TRAK1: variants seen among roughly 807,000 people sequenced by gnomAD.
TRAK1 encodes trafficking kinesin protein 1, also known as trafficking kinesin-binding protein 1.
TRAK1 carries 33 observed loss-of-function variants against 92.1 expected under a neutral mutation model. The ratio of observed to expected loss-of-function variants is 0.36; its 90% CI spans 0.27 to 0.48. The LOEUF (loss-of-function observed/expected upper bound fraction) is 0.48. Ranked by LOEUF, TRAK1 falls within the 20% of genes least tolerant of loss-of-function variation. TRAK1 has a pLI of 0.99. For synonymous variants in TRAK1, 521 were observed against 517.3 expected (o/e 1.01, Z -0.10); for missense variants, 1,123 against 1,257.9 (o/e 0.89, Z 1.62).
Position 42,061,563 on chromosome 3 carries a change from G to A in TRAK1, c.-518-25541G>A, listed in dbSNP as rs529530188. 2.6e-5 allele frequency among the ~76,000 whole-genome samples: 4 copies of A among 152,134 alleles called. No individual in the cohort carries two copies. In the South Asian group the frequency reaches 6.2e-4, roughly 24 times the overall value. Reference sequence around the variant, plus strand: ...GAGCTCTGAATATCATGTGAACCCAGTGCCACTTGAACTTTATTTAGTAGA... The same window carrying A: ...GAGCTCTGAATATCATGTGAACCCAATGCCACTTGAACTTTATTTAGTAGA... On this transcript the variant is annotated intron_variant, in intron 1 of 16. Coordinates refer to the TRAK1 transcript ENST00000487159.
intron 12 of TRAK1, among the ~76,000 whole-genome samples, chr3:42,201,477 C>T (rs76227183): frequency 0.055 from 8,346 of 151,702 alleles, 229 homozygotes; most frequent in Middle Eastern, 0.075. Flanking sequence ...AAAAAGCGGA[C>T]CTTACAGTTC....
intron 1 of TRAK1, among the ~76,000 whole-genome samples, chr3:42,045,240 A>G (rs1374862558): frequency 6.6e-6 from 1 of 152,130 alleles, no homozygotes; most frequent in Non-Finnish European, 1.5e-5. Context: ...TACTCATTTA[A>G]ACCATAAACC....
chr3:42,033,069 A>G (rs1256161467), intron 1 of TRAK1, among the ~76,000 whole-genome samples: 1 of 152,192 alleles, frequency 6.6e-6, no homozygotes, highest in Non-Finnish European at 1.5e-5. Context: ...TTTGTTCTGG[A>G]AGTATTAGCA....
chr3:42,112,964 T>A (rs2149082850), intron 1 of TRAK1, among the ~76,000 whole-genome samples: 1 of 151,998 alleles, frequency 6.6e-6, no homozygotes, highest in Non-Finnish European at 1.5e-5. Flanking sequence ...AGAGATGAGG[T>A]CTTCCCATCT....
In TRAK1 at chr3:42,054,904, ATTTTTTTTTTTT is replaced by A. The variant is rs1157067369; in HGVS notation, c.-518-32177_-518-32166del. Among the ~76,000 whole-genome samples the A allele has an allele frequency of 5.2e-3, 192 of 37,088 alleles. 1 individual carries two copies. The highest frequency in any genetic ancestry group is 0.033 in the Middle Eastern group (1 of 30). The allele number at this position is 37,088 out of a possible 152,430, so 24.3% of individuals were successfully genotyped here. On this transcript the variant is annotated intron_variant, in intron 1 of 16. Transcript: ENST00000487159. ...TTGTAAATGATCTACAGCAAACTAG[ATTTTTTTTTTTT>A]TTTTTTTTTTTTTTTTTTTTTTGAG...
At chr3:42,053,204 ACT>A (rs1244484877) in intron 1 of TRAK1, among the ~76,000 whole-genome samples, 1 of 151,704 alleles carries the variant, frequency 6.6e-6, no homozygotes, top group Admixed American at 6.6e-5. Context: ...GACCTTATGG[ACT>A]CTGTCTGGCT....
intron 13 of TRAK1, among the ~76,000 whole-genome samples, chr3:42,207,400 G>A (rs1346909989): frequency 6.6e-6 from 1 of 152,084 alleles, no homozygotes; most frequent in Non-Finnish European, 1.5e-5. Flanking sequence ...TGTGCAGCTG[G>A]GACACTGATG....
At chr3:42,128,854 T>C (rs1440906545) in intron 2 of TRAK1, among the ~76,000 whole-genome samples, 1 of 151,858 alleles carries the variant, frequency 6.6e-6, no homozygotes, top group East Asian at 1.9e-4. Flanking sequence ...TAGAGCTGTT[T>C]TGTTATAGGT....
At chr3:42,065,967 G>C (rs973756691) in intron 1 of TRAK1, among the ~76,000 whole-genome samples, 1 of 152,142 alleles carries the variant, frequency 6.6e-6, no homozygotes, top group African/African-American at 2.4e-5. Flanking sequence ...GCTTTTAAAG[G>C]GTTTTCTTAT....
chr3:42,027,255 G>A (rs2148887371), intron 1 of TRAK1, among the ~76,000 whole-genome samples: 1 of 152,278 alleles, frequency 6.6e-6, no homozygotes, highest in South Asian at 2.1e-4. Context: ...CGGGCGTGGT[G>A]GCTCACGCCT....
At chr3:42,113,042 A>T (rs986972222) in intron 1 of TRAK1, among the ~76,000 whole-genome samples, 2 of 152,034 alleles carry the variant, frequency 1.3e-5, no homozygotes, top group African/African-American at 4.8e-5. Context: ...AAGTGCTGGG[A>T]TTACAGGCAT....
chr3:42,160,546 T>A, intron 2 of TRAK1: 1 of 1,492,828 alleles, frequency 6.7e-7, no homozygotes, highest in Non-Finnish European at 9.1e-7. Context: ...GTTTTGCTGA[T>A]TTCATAGCAC....
At chr3:42,174,934 G>A (rs979533411) in intron 2 of TRAK1, among the ~76,000 whole-genome samples, 3 of 151,824 alleles carry the variant, frequency 2.0e-5, no homozygotes, top group African/African-American at 7.3e-5. Context: ...AATAATTACA[G>A]TTACCTTAAT....
upstream of TRAK1, among the ~76,000 whole-genome samples, chr3:42,089,055 A>T (rs1704842054): frequency 1.3e-5 from 2 of 152,212 alleles, no homozygotes; most frequent in Admixed American, 6.5e-5. Flanking sequence ...TCTAACAGGC[A>T]TGTCAAACTC....
At chr3:42,158,787 CAAAA>C (rs149521969) in intron 2 of TRAK1, among the ~76,000 whole-genome samples, 23 of 69,538 alleles carry the variant, frequency 3.3e-4, no homozygotes, top group Middle Eastern at 9.3e-3. Context: ...ACAAAAAATA[CAAAA>C]AAAAAAAAAA....
At chr3:42,121,509 T>A (rs1485913666) in intron 1 of TRAK1, among the ~76,000 whole-genome samples, 2 of 152,202 alleles carry the variant, frequency 1.3e-5, no homozygotes, top group African/African-American at 4.8e-5. Flanking sequence ...TCCGCCCGCC[T>A]TGGCCTCCCA....
intron 1 of TRAK1, among the ~76,000 whole-genome samples, chr3:42,045,037 A>G (rs1702699254): frequency 6.6e-6 from 1 of 152,190 alleles, no homozygotes; most frequent in South Asian, 2.1e-4. Flanking sequence ...AAATTTTTCA[A>G]AGGAGAAATC....
At chr3:42,217,142 A>C in intron 14 of TRAK1, 1 of 405,706 alleles carries the variant, frequency 2.5e-6, no homozygotes. Context: ...TCCTGCACCC[A>C]GGGCTTTAGG....
Position 42,120,456 on chromosome 3 carries a change from G to C in TRAK1, c.92-4964G>C, listed in dbSNP as rs543124394. ...CAGTGTCCATTCACAGCAGGAGCTT[G>C]AATAAGCTCCTGTCCTGTGCAGGTT... On this transcript the variant is annotated intron_variant, in intron 1 of 15. Transcript: ENST00000327628. Among the ~76,000 whole-genome samples the C allele has an allele frequency of 3.3e-5, 5 of 152,062 alleles. No homozygotes were observed. In the South Asian group the frequency reaches 6.2e-4, roughly 19 times the overall value.
Sources: gnomAD v4.1 joint callset for allele counts (sites outside exome capture counted in the v4.1 genomes callset) on GRCh38, gnomAD v4.1.1 for gene constraint, MANE v1.5 for transcripts, NCBI Gene and HGNC (gene_info 2026-07-23, HGNC 2026-07-21) for gene names.